TRIM14: variants seen among roughly 807,000 people sequenced by gnomAD.
The protein encoded by TRIM14 is tripartite motif containing 14, also known as tripartite motif-containing protein 14.
TRIM14 carries 28 observed loss-of-function variants against 44.5 expected under a neutral mutation model. The observed-to-expected ratio is 0.63, with a 90% confidence interval of 0.47 to 0.86. The LOEUF is 0.86. Among genes scored for constraint, TRIM14 ranks in the 40% least tolerant of loss-of-function variants. The pLI is 0.00. For missense variants in TRIM14, 607 were observed against 611.1 expected, an observed-to-expected ratio of 0.99 and a Z score of 0.07; for synonymous variants, 299 against 269.2, an observed-to-expected ratio of 1.11 and a Z score of -1.08.
downstream of TRIM14, chr9:98,080,965 G>C (rs761794233): frequency 1.9e-6 from 3 of 1,614,142 alleles, no homozygotes; most frequent in Non-Finnish European, 2.5e-6. Flanking sequence ...GTGACCACTC[G>C]GCCTCGCTGG....
intron 2 of TRIM14, 55 bp from the exon 3 acceptor site, chr9:98,100,219 A>T: frequency 6.7e-7 from 1 of 1,495,852 alleles, no homozygotes; most frequent in South Asian, 1.1e-5. Flanking sequence ...GGAAATCCAG[A>T]ATAATCAACA....
chr9:98,081,089 C>T, downstream of TRIM14: 1 of 1,613,992 alleles, frequency 6.2e-7, no homozygotes, highest in African/African-American at 1.3e-5. Flanking sequence ...GAAGGTGTGT[C>T]CTGCCGGACT....
At chr9:98,114,260 C>T (rs900200817) in intron 1 of TRIM14, among the ~76,000 whole-genome samples, 59 of 152,250 alleles carry the variant, frequency 3.9e-4, no homozygotes, top group Middle Eastern at 6.8e-3. Context: ...CTGGTGTGTG[C>T]CACACAAATA....
downstream of TRIM14, among the ~76,000 whole-genome samples, chr9:98,067,413 T>A (rs564739074): frequency 3.3e-5 from 5 of 152,334 alleles, no homozygotes; most frequent in East Asian, 9.7e-4. Context: ...TCATTTGTGA[T>A]TACCTCCTGA....
the TRIM14 span, among the ~76,000 whole-genome samples, chr9:98,036,470 C>T: frequency 7.2e-6 from 1 of 139,682 alleles, no homozygotes; most frequent in Non-Finnish European, 1.5e-5. Context: ...CACTACACTC[C>T]AACCTGGGTG....
the TRIM14 span, among the ~76,000 whole-genome samples, chr9:98,050,288 T>G: frequency 6.6e-6 from 1 of 152,264 alleles, no homozygotes; most frequent in South Asian, 2.1e-4. Flanking sequence ...CCCCTTTTGA[T>G]CATTTTCTCA....
chr9:98,078,183 GATTAC>G (rs747138950), intron 6 of TRIM14: 17 of 1,614,182 alleles, frequency 1.1e-5, no homozygotes, highest in Admixed American at 1.7e-5. Flanking sequence ...GTTGGTGCTG[GATTAC>G]TCAGGTCGCC....
At chr9:98,043,877 C>T in the TRIM14 span, among the ~76,000 whole-genome samples, 1 of 152,040 alleles carries the variant, frequency 6.6e-6, no homozygotes, top group East Asian at 1.9e-4. Context: ...CAGTGGTCAT[C>T]TTGTGCACAA....
chr9:98,045,251 T>A, the TRIM14 span, among the ~76,000 whole-genome samples: 1 of 151,648 alleles, frequency 6.6e-6, no homozygotes. Flanking sequence ...GTAGCTCTCG[T>A]CCACCATTTC....
chr9:98,037,105 C>T, the TRIM14 span, among the ~76,000 whole-genome samples: 32 of 150,566 alleles, frequency 2.1e-4, no homozygotes, highest in Admixed American at 4.0e-4. Context: ...GGGCCGGGCA[C>T]GGTGGCTCAC....
chr9:98,105,611 A>G (rs910556024), intron 2 of TRIM14, among the ~76,000 whole-genome samples: 4 of 152,150 alleles, frequency 2.6e-5, no homozygotes, highest in Non-Finnish European at 5.9e-5. Context: ...AAAACAAACA[A>G]ACAAAGTAAA....
the TRIM14 span, among the ~76,000 whole-genome samples, chr9:98,040,484 C>A: frequency 2.6e-5 from 4 of 151,656 alleles, no homozygotes; most frequent in Non-Finnish European, 5.9e-5. Context: ...GCTGCACCTG[C>A]TGTCTCCTCT....
the TRIM14 span, among the ~76,000 whole-genome samples, chr9:98,047,343 G>C: frequency 6.6e-6 from 1 of 152,096 alleles, no homozygotes; most frequent in Non-Finnish European, 1.5e-5. Context: ...AAATTACCCA[G>C]TCCTGGGTGT....
At chr9:98,068,056 C>T (rs1316993153), downstream of TRIM14, among the ~76,000 whole-genome samples, 1 of 152,116 alleles carries the variant, frequency 6.6e-6, no homozygotes, top group African/African-American at 2.4e-5. Flanking sequence ...CTCTGAATTA[C>T]AAACATCTTT....
At chr9:98,096,120 G>A (rs1003002283) in intron 3 of TRIM14, among the ~76,000 whole-genome samples, 1 of 152,210 alleles carries the variant, frequency 6.6e-6, no homozygotes, top group African/African-American at 2.4e-5. Flanking sequence ...ACCCGAGAAG[G>A]GGTGGACAGA....
chr9:98,084,126 G>A (rs528203569), downstream of TRIM14, among the ~76,000 whole-genome samples: 13 of 151,922 alleles, frequency 8.6e-5, no homozygotes, highest in East Asian at 2.5e-3. Flanking sequence ...TGGGGAGGAA[G>A]CGGAAGATTC....
At chr9:98,112,407 G>C (rs2118656045) in intron 1 of TRIM14, among the ~76,000 whole-genome samples, 1 of 152,252 alleles carries the variant, frequency 6.6e-6, no homozygotes, top group East Asian at 1.9e-4. Context: ...AAAATAAAAA[G>C]GAAGTATAGG....
downstream of TRIM14, among the ~76,000 whole-genome samples, chr9:98,080,252 G>A (rs1013385172): frequency 7.2e-5 from 11 of 152,250 alleles, no homozygotes; most frequent in Middle Eastern, 3.4e-3. Flanking sequence ...AATAATACAC[G>A]CTACCTGAGT....
At chr9:98,037,700 A>G in the TRIM14 span, among the ~76,000 whole-genome samples, 2 of 152,162 alleles carry the variant, frequency 1.3e-5, no homozygotes, top group Non-Finnish European at 2.9e-5. Context: ...TCTAGGAGCC[A>G]ACTTCAAAAG....
Sources: gnomAD v4.1 joint callset for allele counts (sites outside exome capture counted in the v4.1 genomes callset) on GRCh38, gnomAD v4.1.1 for gene constraint, MANE v1.5 for transcripts, NCBI Gene and HGNC (gene_info 2026-07-23, HGNC 2026-07-21) for gene names.